The following ELOVL6 variants were observed in gnomAD, a reference collection of about 807,000 sequenced individuals.
The protein encoded by ELOVL6 is ELOVL fatty acid elongase 6.
ELOVL6 carries 8 observed loss-of-function variants against 31.7 expected under a neutral mutation model. That is an observed-to-expected ratio of 0.25 (90% confidence interval 0.15 to 0.45). The LOEUF is 0.45. ELOVL6 is among the 20% of genes least tolerant of loss of function. The pLI, the probability that ELOVL6 is intolerant of heterozygous loss-of-function variation, is 1.00. For synonymous variants in ELOVL6, 101 were observed against 117.7 expected, an observed-to-expected ratio of 0.86 and a Z score of 0.92; for missense variants, 126 against 326.4, an observed-to-expected ratio of 0.39 and a Z score of 4.73.
At chr4:110,174,271 C>T (rs1244564729) in intron 1 of ELOVL6, among the ~76,000 whole-genome samples, 5 of 150,310 alleles carry the variant, frequency 3.3e-5, no homozygotes, top group Non-Finnish European at 7.4e-5. Context: ...TCAAGAGATT[C>T]TCCTGCCTCA....
At chr4:110,108,815 T>C (rs1395728974) in intron 1 of ELOVL6, among the ~76,000 whole-genome samples, 2 of 152,224 alleles carry the variant, frequency 1.3e-5, no homozygotes, top group East Asian at 1.9e-4. Flanking sequence ...AAGTTTTTCA[T>C]TGCATGCACA....
At chr4:110,092,600 A>T (rs981811995) in intron 2 of ELOVL6, among the ~76,000 whole-genome samples, 1 of 152,212 alleles carries the variant, frequency 6.6e-6, no homozygotes, top group Non-Finnish European at 1.5e-5. Context: ...CGACCAGAGA[A>T]GAAAAGTCTA....
chr4:110,148,708 T>C (rs1166649094), intron 1 of ELOVL6, among the ~76,000 whole-genome samples: 2 of 152,196 alleles, frequency 1.3e-5, no homozygotes, highest in African/African-American at 2.4e-5. Flanking sequence ...GTGATTATTA[T>C]ACACTGCATG....
chr4:110,084,019 A>G (rs13119447), intron 2 of ELOVL6, among the ~76,000 whole-genome samples: 6 of 4,488 alleles, frequency 1.3e-3, no homozygotes, highest in East Asian at 0.018. Flanking sequence ...ATGGTATATA[A>G]CATATGCCAT....
At chr4:110,148,919 G>A (rs941621873) in intron 1 of ELOVL6, among the ~76,000 whole-genome samples, 2 of 152,224 alleles carry the variant, frequency 1.3e-5, no homozygotes, top group African/African-American at 4.8e-5. Context: ...GGAGTGCAGT[G>A]CTACCATCAC....
At chr4:110,070,376 A>C in intron 2 of ELOVL6, among the ~76,000 whole-genome samples, 1 of 152,208 alleles carries the variant, frequency 6.6e-6, no homozygotes, top group South Asian at 2.1e-4. Context: ...TGAAGCCAAA[A>C]AACTCACCAG....
chr4:110,192,618 G>A (rs1759656755), intron 1 of ELOVL6, among the ~76,000 whole-genome samples: 1 of 152,108 alleles, frequency 6.6e-6, no homozygotes, highest in African/African-American at 2.4e-5. Flanking sequence ...CATTAAGCTG[G>A]CTTTCATCCT....
chr4:110,117,903 A>AAAAAAAAAAAAAAAAATAT, intron 1 of ELOVL6: 1 of 6,504 alleles, frequency 1.5e-4, no homozygotes, highest in Non-Finnish European at 3.7e-4. Flanking sequence ...AAAAAAAAAA[A>AAAAAAAAAAAAAAAAATAT]ATATATATAT....
chr4:110,186,519 T>A (rs1339388134), intron 1 of ELOVL6, among the ~76,000 whole-genome samples: 1 of 151,926 alleles, frequency 6.6e-6, no homozygotes, highest in East Asian at 1.9e-4. Flanking sequence ...GTGATTATTT[T>A]AAATATAAGT....
chr4:110,126,411 T>G (rs943680554), intron 1 of ELOVL6, among the ~76,000 whole-genome samples: 12 of 152,090 alleles, frequency 7.9e-5, no homozygotes, highest in Non-Finnish European at 7.4e-5. Flanking sequence ...GAATTCCCAT[T>G]AATGACAAAT....
intron 3 of ELOVL6, among the ~76,000 whole-genome samples, chr4:110,052,195 A>C (rs1362651082): frequency 1.3e-5 from 2 of 152,254 alleles, no homozygotes; most frequent in Non-Finnish European, 2.9e-5. Flanking sequence ...GACTTGTCTT[A>C]GATCATTTAT....
At chr4:110,061,218 T>G (rs1755127667) in intron 2 of ELOVL6, among the ~76,000 whole-genome samples, 1 of 152,278 alleles carries the variant, frequency 6.6e-6, no homozygotes, top group Middle Eastern at 3.4e-3. Context: ...AAGGCCTCTC[T>G]GCACTGCCTC....
At chr4:110,174,108 T>C (rs984290763) in intron 1 of ELOVL6, among the ~76,000 whole-genome samples, 3 of 152,012 alleles carry the variant, frequency 2.0e-5, no homozygotes, top group South Asian at 2.1e-4. Context: ...ATTTAAAAAC[T>C]TTTTTTAAAA....
rs184512288 is a variant in ELOVL6, at chr4:110,049,720, C to T, written c.*1618G>A. On this transcript the variant is annotated 3_prime_UTR_variant, in exon 4 of 4. Coordinates refer to ENST00000302274, the MANE Select transcript of ELOVL6 (RefSeq NM_024090.3). Reference sequence around the variant, plus strand: ...GTGTAATCTATGCAGTGTGGAAGCCCCTAATCTTTTCATCTAGTTTGCCTA... The same window carrying T: ...GTGTAATCTATGCAGTGTGGAAGCCTCTAATCTTTTCATCTAGTTTGCCTA... 1 of 149,054 alleles carries T rather than the reference C, an allele frequency of 6.7e-6. No individual in the cohort carries two copies. Among genetic ancestry groups the T allele is most frequent in the Non-Finnish European group, 1.5e-5 (1 of 67,410 alleles). 9.2% of individuals were successfully genotyped at this position (149,054 alleles called of 1,614,324 possible).
chr4:110,149,195 A>G lies in ELOVL6; in HGVS notation c.90-43567T>C, dbSNP rs192290462. ...TTGTTGACGGGAATGCAAATCAATT[A>G]GTACAACCTGTATGGAAAACTATGG... On this transcript the variant is annotated intron_variant, in intron 1 of 3. Coordinates refer to ENST00000302274, the MANE Select transcript of ELOVL6 (RefSeq NM_024090.3). Among the ~76,000 whole-genome samples the G allele has an allele frequency of 1.4e-4, 22 of 152,294 alleles. No homozygotes were observed. In the East Asian group the frequency reaches 3.9e-3, roughly 27 times the overall value.
At chr4:110,144,379 G>A (rs1401985439) in intron 1 of ELOVL6, among the ~76,000 whole-genome samples, 1 of 152,088 alleles carries the variant, frequency 6.6e-6, no homozygotes, top group East Asian at 1.9e-4. Context: ...ATCGATAAAC[G>A]ACCCCATGCT....
At chr4:110,077,094 G>A (rs955079959) in intron 2 of ELOVL6, among the ~76,000 whole-genome samples, 4 of 152,214 alleles carry the variant, frequency 2.6e-5, no homozygotes, top group African/African-American at 9.6e-5. Context: ...CAGCCAGGAA[G>A]CTCGAACTGG....
intron 1 of ELOVL6, among the ~76,000 whole-genome samples, chr4:110,142,455 C>CA (rs139797556): frequency 0.037 from 5,670 of 152,234 alleles, 351 homozygotes; most frequent in African/African-American, 0.13. Flanking sequence ...AATTTATAAA[C>CA]ATTGCAGACA....
chr4:110,097,658 T>C (rs185028054), intron 2 of ELOVL6, among the ~76,000 whole-genome samples: 125 of 152,240 alleles, frequency 8.2e-4, no homozygotes, highest in Non-Finnish European at 1.6e-3. Context: ...TAGGTGTGTG[T>C]TATTCCTAGT....
Sources: gnomAD v4.1 joint callset for allele counts (sites outside exome capture counted in the v4.1 genomes callset) on GRCh38, gnomAD v4.1.1 for gene constraint, MANE v1.5 for transcripts, NCBI Gene and HGNC (gene_info 2026-07-23, HGNC 2026-07-21) for gene names.